CCDC43: variants seen among roughly 807,000 people sequenced by gnomAD.
CCDC43 encodes the protein coiled-coil domain containing 43.
CCDC43 carries 20 observed loss-of-function variants against 33.3 expected under a neutral mutation model. The ratio of observed to expected loss-of-function variants is 0.60; its 90% CI spans 0.42 to 0.87. The LOEUF (loss-of-function observed/expected upper bound fraction) is 0.87, where lower values mean the gene tolerates loss of function less well. Among genes scored for constraint, CCDC43 ranks in the 40% least tolerant of loss-of-function variants. CCDC43 has a pLI of 0.00. For missense variants in CCDC43, 248 were observed against 269.9 expected, an observed-to-expected ratio of 0.92 and a Z score of 0.57; for synonymous variants, 104 against 106.5, an observed-to-expected ratio of 0.98 and a Z score of 0.14.
chr17:44,689,380 T>C (rs1972288093), intron 1 of CCDC43, 170 bp downstream of exon 1: 3 of 930,956 alleles, frequency 3.2e-6, no homozygotes, highest in Non-Finnish European at 4.7e-6. Context: ...TTCCCACACC[T>C]GGTTGGGGAG....
At chr17:44,679,303 A>C (rs1972122541) in intron 4 of CCDC43, among the ~76,000 whole-genome samples, 1 of 152,190 alleles carries the variant, frequency 6.6e-6, no homozygotes, top group African/African-American at 2.4e-5. Flanking sequence ...ATATTTTACC[A>C]AAGAAACAAA....
chr17:44,682,876 C>A (rs1365648340), intron 2 of CCDC43, among the ~76,000 whole-genome samples: 1 of 151,926 alleles, frequency 6.6e-6, no homozygotes, highest in Non-Finnish European at 1.5e-5. Flanking sequence ...AATATTTTGC[C>A]ATGCTATAAA....
At position 44,678,817 on chromosome 17, in the gene CCDC43, T is replaced by C. The variant is rs1204185028; in HGVS notation, c.*39A>G. On this transcript the variant is annotated 3_prime_UTR_variant, in exon 5 of 5. Transcript: ENST00000315286. Reference sequence around the variant, plus strand: ...TTAAATACACAACCAGTTCTCCCTTTGATAAGTTCATGGGGGGAAAGAATA... The same window carrying C: ...TTAAATACACAACCAGTTCTCCCTTCGATAAGTTCATGGGGGGAAAGAATA... 2.5e-6 allele frequency: 4 copies of C among 1,570,798 alleles called. No individual in the cohort carries two copies. The African/African-American group carries it at 5.5e-5, about 21-fold the overall frequency.
chr17:44,688,532 C>T (rs1972275289), intron 1 of CCDC43, among the ~76,000 whole-genome samples: 1 of 152,112 alleles, frequency 6.6e-6, no homozygotes, highest in South Asian at 2.1e-4. Flanking sequence ...TCTAACCTGT[C>T]CATTGTAATA....
intron 1 of CCDC43, chr17:44,689,322 A>G: frequency 1.7e-6 from 1 of 593,478 alleles, no homozygotes; most frequent in Non-Finnish European, 2.9e-6. Context: ...CCTTGTCCCC[A>G]AGAATACGAG....
Position 44,682,084 on chromosome 17 carries a change from T to A in CCDC43, c.347A>T (p.Lys116Met). Residue 116 changes from lysine to methionine, a missense_variant, in exon 3 of 5, where the codon AAG (lysine) becomes ATG (methionine). Transcript: ENST00000315286. Reference sequence around the variant, plus strand: ...CTCCTCTTCTGACACCATCCTTGGCTTTACTACGATTTGTGCCTGCTTCTC... The same window carrying A: ...CTCCTCTTCTGACACCATCCTTGGCATTACTACGATTTGTGCCTGCTTCTC... ...LIEKQAQIVV[K>M]PRMVSEEEKQ... 1 of 1,614,008 alleles carries A rather than the reference T, an allele frequency of 6.2e-7. No individual in the cohort carries two copies.
At position 44,677,452 on chromosome 17, in the gene CCDC43, A is replaced by C. The variant is rs748953067; in HGVS notation, c.*1404T>G. On this transcript the variant is annotated 3_prime_UTR_variant, in exon 5 of 5. Transcript: ENST00000315286. Reference sequence around the variant, plus strand: ...AAGTCAGAAGACAGCAATTTAAATAAGATTTATTTTTTTAAAGGTGGTTAT... The same window carrying C: ...AAGTCAGAAGACAGCAATTTAAATACGATTTATTTTTTTAAAGGTGGTTAT... 6.6e-6 allele frequency: 1 copy of C among 152,186 alleles called. No individual in the cohort carries two copies. Among genetic ancestry groups the C allele is most frequent in the Non-Finnish European group, 1.5e-5 (1 of 68,022 alleles). The allele number at this position is 152,186 out of a possible 1,614,324, so 9.4% of individuals were successfully genotyped here. A position where few individuals can be genotyped will look rare whatever the true frequency, so the allele number is the denominator to read the frequency against.
In CCDC43 at chr17:44,682,033, G is replaced by A. The variant is rs1293779011; in HGVS notation, c.398C>T (p.Ala133Val). 1 of 1,614,010 alleles carries A rather than the reference G, an allele frequency of 6.2e-7. No homozygotes were observed. Among genetic ancestry groups the A allele is most frequent in the South Asian group, 1.1e-5 (1 of 91,088 alleles). The stretch of plus-strand genomic sequence containing the variant: ...TTCATCTGTCACATCAGCATACTGG[G>A]CCAGGAGGGCAGCTTTTCTCTGCTT... ...EEKQRKAALLAQYADVTDEED... is the reference protein window; with the variant it reads ...EEKQRKAALLVQYADVTDEED... Residue 133 changes from alanine (A) to valine (V), a missense_variant, in exon 3 of 5, where the codon GCC becomes GTC. Ala to Val is a moderately conservative substitution (Grantham distance 64). Coordinates refer to ENST00000315286, the MANE Select transcript of CCDC43 (RefSeq NM_144609.3).
Position 44,682,138 on chromosome 17 carries a change from T to C in CCDC43, c.293A>G (p.Asp98Gly). ...TAGGGTGGCAATGGCCTGTACTTCA[T>C]CTGGGAGGTGGTGGAAGGAAGAACA... ...QNVVTKVKKE[D>G]EVQAIATLIE... The change falls in exon 3 of 5, where the codon GAT (aspartate) becomes GGT (glycine). Residue 98 changes from aspartate to glycine, a missense_variant and splice_region_variant. Transcript: ENST00000315286. The C allele has an allele frequency of 1.2e-6, 2 of 1,613,966 alleles. No homozygotes were observed. Among genetic ancestry groups the C allele is most frequent in the African/African-American group, 1.3e-5 (1 of 75,040 alleles).
intron 2 of CCDC43, 70 bp from the exon 3 acceptor site, chr17:44,682,208 T>C (rs544507547): frequency 2.7e-5 from 42 of 1,581,698 alleles, no homozygotes; most frequent in Non-Finnish European, 3.3e-5. Flanking sequence ...CTAGTCCACA[T>C]AGGCAGCACT....
chr17:44,684,083 C>A, intron 1 of CCDC43, 124 bp from the exon 2 acceptor site: 2 of 658,978 alleles, frequency 3.0e-6, no homozygotes, highest in Non-Finnish European at 2.7e-6. Flanking sequence ...GTCTGGGAGC[C>A]ACAATAGAGT....
chr17:44,687,828 T>C (rs932439363), intron 1 of CCDC43: 1 of 152,222 alleles, frequency 6.6e-6, no homozygotes, highest in African/African-American at 2.4e-5. Context: ...AAAAAAAGAA[T>C]TGATTCCACT....
intron 2 of CCDC43, 29 bp downstream of exon 2, chr17:44,683,843 G>A (rs560666908): frequency 6.7e-7 from 1 of 1,489,674 alleles, no homozygotes; most frequent in South Asian, 1.1e-5. Context: ...AAAGGCTCAG[G>A]AAGTTAAACA....
At chr17:44,686,019 T>C (rs868363221) in intron 1 of CCDC43, among the ~76,000 whole-genome samples, 8 of 152,096 alleles carry the variant, frequency 5.3e-5, no homozygotes, top group African/African-American at 1.7e-4. Flanking sequence ...GTTCACGCCA[T>C]TATCCTGCCT....
At chr17:44,681,134 C>T (rs1031088706) in intron 3 of CCDC43, among the ~76,000 whole-genome samples, 6 of 151,684 alleles carry the variant, frequency 4.0e-5, no homozygotes, top group Admixed American at 1.3e-4. Flanking sequence ...CAAGAAAACT[C>T]GTAAAAAAAA....
Position 44,689,595 on chromosome 17 carries a change from T to C in CCDC43, c.159A>G (p.Glu53=), listed in dbSNP as rs1568142431. ...YILGILQEEE[E]EEKLDALQGI... is the part of the protein sequence containing the mutation. ...CCTGCAGAGCGTCCAGCTTCTCTTC[T>C]TCCTCCTCCTCCTGCAGGATACCCA... The change falls in exon 1 of 5, where the codon GAA becomes GAG. Residue 53 remains glutamate, a synonymous_variant. Coordinates refer to ENST00000315286, the MANE Select transcript of CCDC43 (RefSeq NM_144609.3). The C allele has an allele frequency of 6.2e-7, 1 of 1,613,990 alleles. No individual in the cohort carries two copies. The highest frequency in any genetic ancestry group is 1.7e-5 in the Admixed American group (1 of 60,020).
chr17:44,682,171 A>G (rs1972172945), intron 2 of CCDC43, 33 bp from the exon 3 acceptor site: 2 of 1,613,318 alleles, frequency 1.2e-6, no homozygotes. Flanking sequence ...ACAAGGTTGT[A>G]TGAGAGAGAA....
chr17:44,683,267 C>T (rs997945104), intron 2 of CCDC43, among the ~76,000 whole-genome samples: 2 of 152,126 alleles, frequency 1.3e-5, no homozygotes, highest in Admixed American at 1.3e-4. Flanking sequence ...GTAGCTCATG[C>T]CTGTAATCCC....
rs368643563 is a variant in CCDC43, at chr17:44,681,176, C to T, written c.429-533G>A. Reference sequence around the variant, plus strand: ...AAGAGAGGCCAGGCGCGGTGGCTCACGCTTGTAATCCCAGCACTTTGGGAG... The same window carrying T: ...AAGAGAGGCCAGGCGCGGTGGCTCATGCTTGTAATCCCAGCACTTTGGGAG... On this transcript the variant is annotated intron_variant, in intron 3 of 4. Coordinates refer to ENST00000315286, the MANE Select transcript of CCDC43 (RefSeq NM_144609.3). 3.3e-5 allele frequency among the ~76,000 whole-genome samples: 5 copies of T among 152,092 alleles called. No homozygotes were observed. The South Asian group carries it at 6.2e-4, about 19-fold the overall frequency.
Sources: allele counts gnomAD v4.1 joint callset (sites outside exome capture counted in the v4.1 genomes callset), GRCh38; gene constraint gnomAD v4.1.1; transcripts MANE v1.5; gene names NCBI Gene and HGNC (gene_info 2026-07-23, HGNC 2026-07-21).